The following LRRC4C variants were observed in gnomAD, a reference collection of about 807,000 sequenced individuals.
LRRC4C encodes leucine-rich repeat-containing protein 4C.
LRRC4C carries 5 observed loss-of-function variants against 33.6 expected under a neutral mutation model. That is an observed-to-expected ratio of 0.15 (90% CI 0.08 to 0.31). The LOEUF (loss-of-function observed/expected upper bound fraction) is 0.31, where lower values mean the gene tolerates loss of function less well. LRRC4C is among the 10% of genes least tolerant of loss of function. The pLI is 1.00. For missense variants in LRRC4C, 560 were observed against 796.7 expected (o/e 0.70, Z 3.58); for synonymous variants, 329 against 302.0 (o/e 1.09, Z -0.93).
chr11:40,189,572 G>A (rs1339831795), intron 5 of LRRC4C, among the ~76,000 whole-genome samples: 1 of 152,140 alleles, frequency 6.6e-6, no homozygotes, highest in African/African-American at 2.4e-5. Flanking sequence ...AACGGGCTTG[G>A]CACTTCACAT....
intron 2 of LRRC4C, among the ~76,000 whole-genome samples, chr11:40,727,403 A>G (rs1213903689): frequency 6.6e-6 from 1 of 152,184 alleles, no homozygotes; most frequent in Non-Finnish European, 1.5e-5. Flanking sequence ...TTCACCATAT[A>G]TAAAAAATTA....
At chr11:40,652,896 G>A (rs1409767086) in intron 2 of LRRC4C, among the ~76,000 whole-genome samples, 2 of 152,132 alleles carry the variant, frequency 1.3e-5, no homozygotes, top group Non-Finnish European at 2.9e-5. Context: ...AGTGGGACCA[G>A]GTGGAGGTAA....
At chr11:41,131,864 T>C (rs1943028885) in intron 1 of LRRC4C, among the ~76,000 whole-genome samples, 1 of 152,108 alleles carries the variant, frequency 6.6e-6, no homozygotes, top group African/African-American at 2.4e-5. Context: ...CCATGACATC[T>C]TACAAATGCC....
chr11:41,073,921 C>CT (rs1236980413), intron 1 of LRRC4C, among the ~76,000 whole-genome samples: 2 of 152,146 alleles, frequency 1.3e-5, no homozygotes, highest in Non-Finnish European at 2.9e-5. Flanking sequence ...CATACATAAT[C>CT]ACAGTAAATG....
intron 3 of LRRC4C, among the ~76,000 whole-genome samples, chr11:40,355,665 T>C (rs1338805959): frequency 1.3e-5 from 2 of 152,076 alleles, no homozygotes; most frequent in African/African-American, 2.4e-5. Context: ...ACAGATTCTC[T>C]CTCTGCACCA....
intron 4 of LRRC4C, among the ~76,000 whole-genome samples, chr11:40,243,618 C>T (rs1901585): frequency 0.75 from 112,665 of 150,868 alleles, 45,951 homozygotes; most frequent in East Asian, 0.95. Flanking sequence ...TAATTGATCA[C>T]TTAAATTTTA....
chr11:40,193,181 G>A (rs1300627652), intron 5 of LRRC4C, among the ~76,000 whole-genome samples: 1 of 152,134 alleles, frequency 6.6e-6, no homozygotes, highest in Non-Finnish European at 1.5e-5. Context: ...AGCAGGGGTC[G>A]ATAGACACCT....
intron 1 of LRRC4C, among the ~76,000 whole-genome samples, chr11:40,951,360 A>C (rs1160028987): frequency 2.0e-5 from 3 of 152,022 alleles, no homozygotes; most frequent in Non-Finnish European, 4.4e-5. Context: ...GTGTAATGTG[A>C]ACTGCCTGCT....
chr11:40,175,199 G>T (rs757516652), intron 5 of LRRC4C, among the ~76,000 whole-genome samples: 1 of 152,162 alleles, frequency 6.6e-6, no homozygotes, highest in Non-Finnish European at 1.5e-5. Context: ...TGATGCTGTT[G>T]GCTCATAAAA....
intron 2 of LRRC4C, among the ~76,000 whole-genome samples, chr11:40,833,245 T>G (rs572421892): frequency 2.0e-5 from 3 of 152,270 alleles, no homozygotes; most frequent in African/African-American, 7.2e-5. Flanking sequence ...CTGCTGGGCA[T>G]TATTATCAGA....
intron 3 of LRRC4C, among the ~76,000 whole-genome samples, chr11:40,408,418 G>A (rs887667909): frequency 2.6e-5 from 4 of 151,586 alleles, no homozygotes; most frequent in African/African-American, 4.8e-5. Flanking sequence ...TTTTATCCTC[G>A]ACCAACTTTA....
At chr11:40,122,952 T>TACAC (rs371461809) in intron 6 of LRRC4C, among the ~76,000 whole-genome samples, 17,837 of 140,094 alleles carry the variant, frequency 0.13, 1,272 homozygotes, top group Non-Finnish European at 0.16. Flanking sequence ...TATATATTTA[T>TACAC]ACACACACAC....
At chr11:40,955,196 G>T (rs1353260897) in intron 1 of LRRC4C, among the ~76,000 whole-genome samples, 1 of 151,758 alleles carries the variant, frequency 6.6e-6, no homozygotes, top group Non-Finnish European at 1.5e-5. Context: ...CTATTCAAGG[G>T]TCTAAAAACA....
At chr11:40,948,948 C>T (rs1279285653) in intron 1 of LRRC4C, among the ~76,000 whole-genome samples, 1 of 152,114 alleles carries the variant, frequency 6.6e-6, no homozygotes, top group Non-Finnish European at 1.5e-5. Context: ...GCCACACTGA[C>T]TTCCACAATG....
At chr11:40,177,648 C>A (rs1860620114) in intron 5 of LRRC4C, among the ~76,000 whole-genome samples, 1 of 152,164 alleles carries the variant, frequency 6.6e-6, no homozygotes, top group Non-Finnish European at 1.5e-5. Flanking sequence ...CTTCCCTGAG[C>A]AATTCGTTCA....
At chr11:41,360,401 T>C (rs1261823356) in intron 1 of LRRC4C, among the ~76,000 whole-genome samples, 1 of 151,632 alleles carries the variant, frequency 6.6e-6, no homozygotes. Flanking sequence ...AAAATGGAAA[T>C]GAGATACACT....
At chr11:40,297,155 TAAA>T (rs752680472) in intron 4 of LRRC4C, among the ~76,000 whole-genome samples, 1 of 152,136 alleles carries the variant, frequency 6.6e-6, no homozygotes, top group East Asian at 1.9e-4. Context: ...TGCTTAAAAA[TAAA>T]AAAGTGAATG....
chr11:41,331,856 G>A (rs571196729), intron 1 of LRRC4C, among the ~76,000 whole-genome samples: 7 of 152,082 alleles, frequency 4.6e-5, no homozygotes, highest in South Asian at 4.1e-4. Context: ...TGTACCACAC[G>A]TGCTGATGGA....
Position 40,724,542 on chromosome 11 carries a change from AAAAT to A in LRRC4C, c.-406-76268_-406-76265del, listed in dbSNP as rs537262628. Among the ~76,000 whole-genome samples, 245 of 152,312 alleles carry A rather than the reference AAAAT, an allele frequency of 1.6e-3. 1 individual carries two copies. The highest frequency in any genetic ancestry group is 1.5e-3 in the Non-Finnish European group (105 of 68,016). On this transcript the variant is annotated intron_variant, in intron 2 of 6. Transcript: ENST00000528697. ...CAACAAAATTAAAGCAGAAATAAAA[AAAAT>A]TATTGGCAATAAATGAAAGCAGAAA...
Sources: gnomAD v4.1 joint callset for allele counts (sites outside exome capture counted in the v4.1 genomes callset) on GRCh38, gnomAD v4.1.1 for gene constraint, MANE v1.5 for transcripts, NCBI Gene and HGNC (gene_info 2026-07-23, HGNC 2026-07-21) for gene names.